The following SORCS2 variants were observed in gnomAD, a reference collection of about 807,000 sequenced individuals.
SORCS2 encodes VPS10 domain-containing receptor SorCS2.
In SORCS2, 100 loss-of-function variants were observed where a neutral mutation model predicts 141.6. The observed-to-expected ratio is 0.71, with a 90% CI of 0.60 to 0.83. SORCS2 has a LOEUF of 0.83. Ranked by LOEUF, SORCS2 falls within the 40% of genes least tolerant of loss-of-function variation. The probability of loss-of-function intolerance (pLI) is 0.00; values close to 1 mark genes in which losing one functional copy is unlikely to be tolerated. For synonymous variants in SORCS2, 789 were observed against 676.9 expected, an observed-to-expected ratio of 1.17 and a Z score of -2.57; for missense variants, 1,646 against 1,560.2, an observed-to-expected ratio of 1.05 and a Z score of -0.93.
At chr4:7,735,149 C>G (rs139835550) in intron 25 of SORCS2, among the ~76,000 whole-genome samples, 3 of 152,232 alleles carry the variant, frequency 2.0e-5, no homozygotes, top group Non-Finnish European at 4.4e-5. Context: ...CCTGCAAACG[C>G]AGCTCCCAGA....
chr4:7,267,013 A>G (rs1181038733), intron 1 of SORCS2, among the ~76,000 whole-genome samples: 1 of 152,168 alleles, frequency 6.6e-6, no homozygotes, highest in Non-Finnish European at 1.5e-5. Context: ...CAGAGAGGGA[A>G]GGAAGCCCTC....
chr4:7,301,285 C>G lies in SORCS2; in HGVS notation c.481-95003C>G, dbSNP rs192656884. Among the ~76,000 whole-genome samples, 63 of 152,288 alleles carry G rather than the reference C, an allele frequency of 4.1e-4. No homozygotes were observed. In the East Asian group the frequency reaches 0.01, roughly 25 times the overall value. On this transcript the variant is annotated intron_variant, in intron 1 of 26. Transcript: ENST00000507866. ...TAGACGTTGAAGACACAGCAGCTAT[C>G]GAAACAGAAACACTGCCACTCTCAT...
At position 7,734,269 on chromosome 4, in the gene SORCS2, C is replaced by T. The variant is rs200645196; in HGVS notation, c.3209-3C>T. On this transcript the variant is annotated splice_polypyrimidine_tract_variant and splice_region_variant and intron_variant, in intron 24 of 26. Coordinates refer to ENST00000507866, the MANE Select transcript of SORCS2 (RefSeq NM_020777.3). Reference sequence around the variant, plus strand: ...CCTCCACTGACAACCGCTTTGCTTGCAGGTGCTGAGCAGCTGGGCGGCGGT... The same window carrying T: ...CCTCCACTGACAACCGCTTTGCTTGTAGGTGCTGAGCAGCTGGGCGGCGGT... The T allele has an allele frequency of 2.6e-4, 414 of 1,593,444 alleles. No individual in the cohort carries two copies. Among genetic ancestry groups the T allele is most frequent in the Non-Finnish European group, 3.2e-4 (370 of 1,171,134 alleles).
intron 1 of SORCS2, among the ~76,000 whole-genome samples, chr4:7,303,417 T>G (rs1398775813): frequency 6.6e-6 from 1 of 152,246 alleles, no homozygotes; most frequent in Non-Finnish European, 1.5e-5. Flanking sequence ...TCATCCCTTT[T>G]TGCTGTTTCA....
At chr4:7,355,206 C>T (rs977480425) in intron 1 of SORCS2, among the ~76,000 whole-genome samples, 5 of 152,124 alleles carry the variant, frequency 3.3e-5, no homozygotes, top group Non-Finnish European at 7.3e-5. Context: ...GCACCAGCAC[C>T]AGAGAGAGGG....
At chr4:7,585,432 A>G (rs1285750571) in intron 3 of SORCS2, among the ~76,000 whole-genome samples, 1 of 152,160 alleles carries the variant, frequency 6.6e-6, no homozygotes, top group African/African-American at 2.4e-5. Context: ...GGCCCTCAGG[A>G]GGTGACCTGG....
intron 1 of SORCS2, among the ~76,000 whole-genome samples, chr4:7,365,395 TGTTTGGGGCACCAGGAG>T (rs1342094779): frequency 6.6e-6 from 1 of 151,796 alleles, no homozygotes; most frequent in African/African-American, 2.4e-5. Context: ...CCTAGGATTT[TGTTTGGGGCACCAGGAG>T]GGTTGGGGTG....
chr4:7,695,001 C>T (rs1724507997), intron 11 of SORCS2, among the ~76,000 whole-genome samples: 1 of 151,854 alleles, frequency 6.6e-6, no homozygotes, highest in Non-Finnish European at 1.5e-5. Context: ...ACCTGCACGG[C>T]CACCCTTGTC....
At chr4:7,646,822 G>A (rs900299106) in intron 4 of SORCS2, among the ~76,000 whole-genome samples, 1 of 152,178 alleles carries the variant, frequency 6.6e-6, no homozygotes, top group Non-Finnish European at 1.5e-5. Context: ...ACGTTGTTAC[G>A]GAAGCCCACG....
intron 11 of SORCS2, among the ~76,000 whole-genome samples, chr4:7,692,842 G>C (rs538916096): frequency 6.6e-6 from 1 of 152,306 alleles, no homozygotes; most frequent in South Asian, 2.1e-4. Context: ...GGAGTGCCGC[G>C]CTGGGGTCTC....
chr4:7,561,462 A>G (rs1356682613), intron 3 of SORCS2, among the ~76,000 whole-genome samples: 2 of 122,560 alleles, frequency 1.6e-5, no homozygotes, highest in African/African-American at 3.5e-5. Context: ...CAATCCATCT[A>G]TCCATTCATC....
intron 1 of SORCS2, among the ~76,000 whole-genome samples, chr4:7,376,991 C>T (rs184600288): frequency 6.6e-5 from 10 of 151,376 alleles, no homozygotes; most frequent in East Asian, 2.0e-4. Flanking sequence ...CACTGGGATT[C>T]GGGCTGTGAA....
At chr4:7,558,971 C>T (rs191803863) in intron 3 of SORCS2, among the ~76,000 whole-genome samples, 3 of 152,308 alleles carry the variant, frequency 2.0e-5, no homozygotes, top group Non-Finnish European at 4.4e-5. Context: ...TTGCCCTGCC[C>T]GATGTCCCTC....
At position 7,697,233 on chromosome 4, in the gene SORCS2, G is replaced by A. The variant is rs759758413; in HGVS notation, c.1627G>A (p.Glu543Lys). The A allele has an allele frequency of 1.3e-6, 2 of 1,591,542 alleles. No individual in the cohort carries two copies. The highest frequency in any genetic ancestry group is 1.3e-5 in the African/African-American group (1 of 74,524). The change falls in exon 12 of 27, where the codon GAA becomes AAA. Residue 543 changes from glutamate (E) to lysine (K), a missense_variant. Transcript: ENST00000507866. ...CTCACAGCTGGTGGAATATAAAGAAGAAATGTACATCACGTCAGACTGTGG... is the reference window on the plus strand; with the variant it reads ...CTCACAGCTGGTGGAATATAAAGAAAAAATGTACATCACGTCAGACTGTGG... ...LGSQLVEYKE[E>K]MYITSDCGHT...
At chr4:7,357,604 T>C (rs1721334566) in intron 1 of SORCS2, among the ~76,000 whole-genome samples, 1 of 152,228 alleles carries the variant, frequency 6.6e-6, no homozygotes, top group East Asian at 1.9e-4. Flanking sequence ...ATTTAACCTG[T>C]CAGAGGCCCA....
intron 1 of SORCS2, among the ~76,000 whole-genome samples, chr4:7,317,048 A>C (rs983994530): frequency 3.9e-5 from 6 of 152,182 alleles, no homozygotes; most frequent in African/African-American, 1.4e-4. Context: ...GCAGCCATAG[A>C]GTCAGAGACT....
At position 7,666,865 on chromosome 4, in the gene SORCS2, A is replaced by G. The variant is rs148045162; in HGVS notation, c.1072-259A>G. ...CCACCTTGTTCCATAAGTTGGATGCAGAGCAGCAAGGTGCTGAGAGAGCAT... is the reference window on the plus strand; with the variant it reads ...CCACCTTGTTCCATAAGTTGGATGCGGAGCAGCAAGGTGCTGAGAGAGCAT... On this transcript the variant is annotated intron_variant, in intron 7 of 26. Transcript: ENST00000507866. 4.7e-3 allele frequency among the ~76,000 whole-genome samples: 717 copies of G among 152,240 alleles called. 6 individuals carry two copies. The highest frequency in any genetic ancestry group is 0.016 in the African/African-American group (665 of 41,542).
chr4:7,468,047 G>A (rs1047074081), intron 2 of SORCS2, among the ~76,000 whole-genome samples: 1 of 152,186 alleles, frequency 6.6e-6, no homozygotes, highest in Non-Finnish European at 1.5e-5. Flanking sequence ...ATGGCAGCGG[G>A]TTCTCCCTCA....
intron 2 of SORCS2, among the ~76,000 whole-genome samples, chr4:7,407,015 T>G (rs1360738587): frequency 2.0e-5 from 3 of 152,176 alleles, no homozygotes; most frequent in African/African-American, 4.8e-5. Flanking sequence ...GTAATTGATT[T>G]CTAGTTTTAT....
Sources: allele counts gnomAD v4.1 joint callset (sites outside exome capture counted in the v4.1 genomes callset), GRCh38; gene constraint gnomAD v4.1.1; transcripts MANE v1.5; gene names NCBI Gene and HGNC (gene_info 2026-07-23, HGNC 2026-07-21).